ARNT2: variants seen among roughly 807,000 people sequenced by gnomAD.
The protein encoded by ARNT2 is ARNT protein 2.
Under a neutral mutation model 91.7 loss-of-function variants are expected in ARNT2, and 36 were observed. That is an observed-to-expected ratio of 0.39 (90% CI 0.30 to 0.52). The LOEUF (loss-of-function observed/expected upper bound fraction) is 0.52. Ranked by LOEUF, ARNT2 falls within the 20% of genes least tolerant of loss-of-function variation. The pLI, the probability that ARNT2 is intolerant of heterozygous loss-of-function variation, is 0.72. For missense variants in ARNT2, 775 were observed against 939.3 expected (o/e 0.83, Z 2.29); for synonymous variants, 365 against 347.1 (o/e 1.05, Z -0.57).
intron 14 of ARNT2, among the ~76,000 whole-genome samples, chr15:80,575,446 C>T (rs866228297): frequency 2.6e-5 from 4 of 152,290 alleles, no homozygotes; most frequent in South Asian, 2.1e-4. Flanking sequence ...TGGGCACCCT[C>T]GATGACCGAA....
chr15:80,469,887 C>T (rs7167456), intron 3 of ARNT2, among the ~76,000 whole-genome samples: 18,597 of 152,208 alleles, frequency 0.12, 3,141 homozygotes, highest in African/African-American at 0.38. Flanking sequence ...AGTGCTGGGA[C>T]TGCAGATGTG....
At chr15:80,409,263 A>G (rs1482910303) in intron 1 of ARNT2, among the ~76,000 whole-genome samples, 3 of 152,174 alleles carry the variant, frequency 2.0e-5, no homozygotes, top group South Asian at 4.1e-4. Flanking sequence ...CTTGGCATCC[A>G]CTGATGTTTT....
rs1388903117 is a variant in ARNT2 at position 80,552,640 on chromosome 15, G to A, written c.955G>A (p.Val319Met). ...YCLVAIGRLQ[V>M]TSSPVCMDMN... ...CAACTGTGGATTTTCCCCATCCCAG[G>A]TGACCAGCTCTCCTGTATGCATGGA... Residue 319 changes from valine (V) to methionine (M), a missense_variant and splice_region_variant, in exon 10 of 19, where the codon GTG (valine) becomes ATG (methionine). Around this residue, in one of 5 missense-constraint regions of ARNT2, gnomAD observed 285 missense variants for 327.2 expected, o/e 0.87. Coordinates refer to ENST00000303329, the MANE Select transcript of ARNT2 (RefSeq NM_014862.4). The A allele has an allele frequency of 1.2e-6, 2 of 1,613,484 alleles. No individual in the cohort carries two copies. Among genetic ancestry groups the A allele is most frequent in the Non-Finnish European group, 1.7e-6 (2 of 1,179,746 alleles).
chr15:80,510,960 C>G (rs991779422), intron 6 of ARNT2, among the ~76,000 whole-genome samples: 6 of 152,132 alleles, frequency 3.9e-5, no homozygotes, highest in African/African-American at 1.4e-4. Flanking sequence ...TTGTGGAAGA[C>G]AGTGTGGTGA....
chr15:80,455,930 C>T (rs1030453986), intron 2 of ARNT2, among the ~76,000 whole-genome samples: 1 of 152,118 alleles, frequency 6.6e-6, no homozygotes, highest in African/African-American at 2.4e-5. Flanking sequence ...ACAGCACGCA[C>T]GGGGTGTTAA....
chr15:80,474,967 G>T, intron 4 of ARNT2, 43 bp from the exon 5 acceptor site: 1 of 1,591,026 alleles, frequency 6.3e-7, no homozygotes, highest in Non-Finnish European at 8.6e-7. Flanking sequence ...AATCATCCTG[G>T]GTCTGTCAGT....
chr15:80,562,969 T>A, intron 11 of ARNT2, 119 bp from the exon 12 acceptor site: 1 of 1,074,386 alleles, frequency 9.3e-7, no homozygotes, highest in Admixed American at 1.8e-5. Flanking sequence ...TTAGCCACAA[T>A]GCCCCTATTC....
At position 80,574,372 on chromosome 15, in the gene ARNT2, G is replaced by C. The variant is rs1898632903; in HGVS notation, c.1389+152G>C. The C allele has an allele frequency of 1.4e-5, 10 of 716,872 alleles. No individual in the cohort carries two copies. In the South Asian group the frequency reaches 1.8e-4, roughly 13 times the overall value. The allele number at this position is 716,872 out of a possible 1,614,324, so 44.4% of individuals were successfully genotyped here. On this transcript the variant is annotated intron_variant, in intron 13 of 18. Coordinates refer to ENST00000303329, the MANE Select transcript of ARNT2 (RefSeq NM_014862.4). ...AGAGCAGACCTACAGGTCCCCTGGG[G>C]GTCTGCTGCTGTCACTCCTCCCTAT...
At chr15:80,448,409 ATC>A (rs1455105508) in intron 1 of ARNT2, among the ~76,000 whole-genome samples, 1 of 152,228 alleles carries the variant, frequency 6.6e-6, no homozygotes, top group Non-Finnish European at 1.5e-5. Flanking sequence ...AGGTCATCTA[ATC>A]TCTCTTTGCC....
chr15:80,428,478 C>T (rs1411020983), intron 1 of ARNT2, among the ~76,000 whole-genome samples: 1 of 152,204 alleles, frequency 6.6e-6, no homozygotes, highest in African/African-American at 2.4e-5. Flanking sequence ...AAACCTTACA[C>T]AGTAATTGTG....
At position 80,509,778 on chromosome 15, in the gene ARNT2, G is replaced by T. The variant is rs543024079; in HGVS notation, c.725+1520G>T. ...AGGGCAAGTAGAGGGAATAGCAAGT[G>T]CAAAGGCCTGGAGGCAGGGATGGTC... is the stretch of plus-strand genomic sequence containing the variant. On this transcript the variant is annotated intron_variant, in intron 6 of 18. Coordinates refer to ENST00000303329, the MANE Select transcript of ARNT2 (RefSeq NM_014862.4). Among the ~76,000 whole-genome samples, 6 of 152,284 alleles carry T rather than the reference G, an allele frequency of 3.9e-5. No individual in the cohort carries two copies. The South Asian group carries it at 1.2e-3, about 32-fold the overall frequency.
At chr15:80,587,303 T>C (rs1893190471) in intron 17 of ARNT2, among the ~76,000 whole-genome samples, 1 of 150,424 alleles carries the variant, frequency 6.6e-6, no homozygotes, top group African/African-American at 2.4e-5. Context: ...CTCTTCCTTA[T>C]AGGGGGTTCA....
At chr15:80,442,868 G>A (rs1036910154) in intron 1 of ARNT2, 2 of 985,270 alleles carry the variant, frequency 2.0e-6, no homozygotes, top group Middle Eastern at 5.2e-4. Flanking sequence ...AGGTTTTTTA[G>A]AATTTTCCCT....
In ARNT2 at chr15:80,508,271, G is replaced by A. The variant is rs759021872; in HGVS notation, c.725+13G>A. 5.0e-6 allele frequency: 8 copies of A among 1,613,374 alleles called. No homozygotes were observed. In the Admixed American group the frequency reaches 1.3e-4, roughly 27 times the overall value. Reference sequence around the variant, plus strand: ...TCTGCAGGATGAGGTCTGTTTTGGGGGAGCAGCAGGCCATCAGGTGGTTGG... The same window carrying A: ...TCTGCAGGATGAGGTCTGTTTTGGGAGAGCAGCAGGCCATCAGGTGGTTGG... On this transcript the variant is annotated intron_variant, in intron 6 of 18. Coordinates refer to ENST00000303329, the MANE Select transcript of ARNT2 (RefSeq NM_014862.4).
chr15:80,422,194 A>G (rs553868090), intron 1 of ARNT2, among the ~76,000 whole-genome samples: 4 of 152,360 alleles, frequency 2.6e-5, no homozygotes, highest in African/African-American at 7.2e-5. Context: ...TTCAGAATCG[A>G]TGAAAGTCAT....
chr15:80,440,213 A>G (rs1377213116), intron 1 of ARNT2, among the ~76,000 whole-genome samples: 1 of 152,160 alleles, frequency 6.6e-6, no homozygotes, highest in Non-Finnish European at 1.5e-5. Context: ...TGCGGCTTCT[A>G]GGTTTGACTC....
intron 3 of ARNT2, among the ~76,000 whole-genome samples, chr15:80,469,621 C>G (rs1364205264): frequency 6.6e-6 from 1 of 151,564 alleles, no homozygotes; most frequent in East Asian, 1.9e-4. Flanking sequence ...TGTGTGTGTG[C>G]ACGTGTGTAT....
At chr15:80,589,634 G>A (rs1893238094) in intron 17 of ARNT2, among the ~76,000 whole-genome samples, 1 of 152,192 alleles carries the variant, frequency 6.6e-6, no homozygotes. Flanking sequence ...AGCCTCTGCA[G>A]GCTTCCAGAA....
chr15:80,520,346 C>T (rs1352003002), intron 8 of ARNT2, among the ~76,000 whole-genome samples: 1 of 152,140 alleles, frequency 6.6e-6, no homozygotes, highest in Non-Finnish European at 1.5e-5. Flanking sequence ...CCTCCAATTA[C>T]ACTGGATATT....
Sources: allele counts gnomAD v4.1 joint callset (sites outside exome capture counted in the v4.1 genomes callset), GRCh38; gene constraint gnomAD v4.1.1; regional missense constraint gnomAD v4.1.1; transcripts MANE v1.5; gene names NCBI Gene and HGNC (gene_info 2026-07-23, HGNC 2026-07-21).